The following PPP4R4 variants were observed in gnomAD, a reference collection of about 807,000 sequenced individuals.
PPP4R4 encodes the protein protein phosphatase 4 regulatory subunit 4.
PPP4R4 carries 70 observed loss-of-function variants against 121.8 expected under a neutral mutation model. The ratio of observed to expected loss-of-function variants is 0.57; its 90% CI spans 0.47 to 0.70. PPP4R4 has a LOEUF of 0.70. Ranked by LOEUF, PPP4R4 falls within the 30% of genes least tolerant of loss-of-function variation. PPP4R4 has a pLI of 0.00. For missense variants in PPP4R4, 875 were observed against 1,033.6 expected (o/e 0.85, Z 2.10); for synonymous variants, 348 against 355.7 (o/e 0.98, Z 0.24).
At chr14:94,244,601 C>T (rs931583251) in intron 11 of PPP4R4, 34 bp from the exon 12 acceptor site, 2 of 1,432,942 alleles carry the variant, frequency 1.4e-6, no homozygotes, top group African/African-American at 2.9e-5. Flanking sequence ...GTCTAGTACT[C>T]TCAAATCTGA....
At chr14:94,242,638 G>A (rs1010870378) in intron 11 of PPP4R4, among the ~76,000 whole-genome samples, 6 of 151,996 alleles carry the variant, frequency 3.9e-5, no homozygotes, top group South Asian at 2.1e-4. Context: ...CATTCATTCA[G>A]CATATCTATA....
chr14:94,233,301 A>G (rs968450761), intron 5 of PPP4R4, among the ~76,000 whole-genome samples: 1 of 152,254 alleles, frequency 6.6e-6, no homozygotes, highest in Non-Finnish European at 1.5e-5. Context: ...AAATTAATCT[A>G]TATGGAATAA....
At chr14:94,200,802 TG>T (rs371802539) in intron 2 of PPP4R4, among the ~76,000 whole-genome samples, 64,011 of 145,328 alleles carry the variant, frequency 0.44, 16,471 homozygotes, top group Non-Finnish European at 0.6. Context: ...ACTTATCTTT[TG>T]TATTTTTTTT....
rs572946328 is a variant in PPP4R4, at chr14:94,199,657, G to A, written c.192-8807G>A. Among the ~76,000 whole-genome samples the A allele has an allele frequency of 7.2e-4, 110 of 152,306 alleles. 1 individual carries two copies. Among genetic ancestry groups the A allele is most frequent in the African/African-American group, 2.5e-3 (104 of 41,576 alleles). The stretch of plus-strand genomic sequence containing the variant: ...ATGGGGGAGCCAGAAGAGAGACAGA[G>A]TGGAAAGGTAGTTTTCCCCTGGAGT... On this transcript the variant is annotated intron_variant, in intron 2 of 24. Transcript: ENST00000304338.
chr14:94,274,313 T>C (rs1894515977), intron 23 of PPP4R4, among the ~76,000 whole-genome samples: 1 of 152,070 alleles, frequency 6.6e-6, no homozygotes, highest in Non-Finnish European at 1.5e-5. Flanking sequence ...TTAAAGCGTC[T>C]GGGCTTTGAA....
intron 17 of PPP4R4, among the ~76,000 whole-genome samples, chr14:94,257,067 A>T (rs948063708): frequency 2.0e-5 from 3 of 152,118 alleles, no homozygotes; most frequent in African/African-American, 7.2e-5. Context: ...ACTTGAGATC[A>T]TATTAGTAAG....
Position 94,176,126 on chromosome 14 carries a change from A to G in PPP4R4, c.190A>G (p.Ser64Gly), listed in dbSNP as rs1888669574. Residue 64 changes from serine (S) to glycine (G), a missense_variant and splice_region_variant, in exon 2 of 25, where the codon AGT (serine) becomes GGT (glycine). Ser to Gly is a moderately conservative substitution (Grantham distance 56, BLOSUM62 0). Transcript: ENST00000304338. ...SDIERAVYLL[S>G]AGQDVQGTSV... is the part of the protein sequence containing the mutation. ...TATTGAAAGGGCTGTTTATCTGCTCAGGTATTTCCTAGTCTTTCTGTGAAA... is the reference window on the plus strand; with the variant it reads ...TATTGAAAGGGCTGTTTATCTGCTCGGGTATTTCCTAGTCTTTCTGTGAAA... 6.2e-7 allele frequency: 1 copy of G among 1,604,230 alleles called. No homozygotes were observed. The highest frequency in any genetic ancestry group is 1.3e-5 in the African/African-American group (1 of 74,744).
At chr14:94,242,489 T>G (rs1892686720) in intron 11 of PPP4R4, 81 bp downstream of exon 11, 1 of 1,370,758 alleles carries the variant, frequency 7.3e-7, no homozygotes, top group East Asian at 2.3e-5. Flanking sequence ...GCTTATAGAT[T>G]ATAAGATATA....
chr14:94,216,576 G>A (rs1891034134), intron 3 of PPP4R4, among the ~76,000 whole-genome samples: 1 of 152,218 alleles, frequency 6.6e-6, no homozygotes. Flanking sequence ...GGACAAGGCA[G>A]GAGATTGGAG....
rs2139544038 is a variant in PPP4R4 at position 94,234,537 on chromosome 14, A to G, written c.624-25A>G. On this transcript the variant is annotated intron_variant, in intron 6 of 24. Coordinates refer to ENST00000304338, the MANE Select transcript of PPP4R4 (RefSeq NM_058237.2). ...TATTCTGAAACACTCATTCATTTGC[A>G]TGTTTCTTTTCTCCCCACCTTCAGC... 2.2e-6 allele frequency: 3 copies of G among 1,366,562 alleles called. No homozygotes were observed. The Middle Eastern group carries it at 5.4e-4, about 245-fold the overall frequency. The allele number at this position is 1,366,562 out of a possible 1,614,324, so 84.7% of individuals were successfully genotyped here. A position where few individuals can be genotyped will look rare whatever the true frequency, so the allele number is the denominator to read the frequency against.
At chr14:94,273,731 C>A (rs557200571) in intron 23 of PPP4R4, among the ~76,000 whole-genome samples, 5 of 151,958 alleles carry the variant, frequency 3.3e-5, no homozygotes, top group South Asian at 2.1e-4. Context: ...TCTGTACCTT[C>A]CACTCAATTG....
intron 23 of PPP4R4, among the ~76,000 whole-genome samples, chr14:94,270,101 T>G (rs1894249793): frequency 6.6e-6 from 1 of 152,144 alleles, no homozygotes; most frequent in Non-Finnish European, 1.5e-5. Context: ...TCAAAACTGT[T>G]CTGAAAAAGA....
intron 23 of PPP4R4, among the ~76,000 whole-genome samples, chr14:94,271,042 C>A (rs143073184): frequency 1.3e-5 from 2 of 152,130 alleles, no homozygotes; most frequent in African/African-American, 4.8e-5. Context: ...AATAATCTTC[C>A]AAAACAGAAA....
chr14:94,189,509 C>T (rs1415614463), intron 2 of PPP4R4, among the ~76,000 whole-genome samples: 5 of 152,174 alleles, frequency 3.3e-5, no homozygotes, highest in African/African-American at 1.2e-4. Context: ...ACAGGAGCCA[C>T]TGTATATTAT....
chr14:94,269,506 T>A (rs1224060841), intron 23 of PPP4R4, among the ~76,000 whole-genome samples: 3 of 151,590 alleles, frequency 2.0e-5, no homozygotes. Flanking sequence ...AAACACTGTC[T>A]CTACTAAAAA....
In PPP4R4 at chr14:94,256,500, C is replaced by G; in HGVS notation, c.1906C>G (p.Leu636Val). The G allele has an allele frequency of 1.2e-6, 2 of 1,603,048 alleles. No individual in the cohort carries two copies. The highest frequency in any genetic ancestry group is 1.7e-6 in the Non-Finnish European group (2 of 1,171,070). ...CYLLPKVKSTLKIPADKHLLQ... is the reference protein window; with the variant it reads ...CYLLPKVKSTVKIPADKHLLQ... ...CCTGTTGCCCAAAGTGAAATCTACT[C>G]TGAAGATTCCTGCTGATAAGCATCT... The change falls in exon 17 of 25, where the codon CTG becomes GTG. Residue 636 changes from leucine (L) to valine (V), a missense_variant. Coordinates refer to ENST00000304338, the MANE Select transcript of PPP4R4 (RefSeq NM_058237.2).
chr14:94,206,448 A>G (rs1393050382), intron 2 of PPP4R4, among the ~76,000 whole-genome samples: 2 of 152,014 alleles, frequency 1.3e-5, no homozygotes, highest in African/African-American at 2.4e-5. Context: ...TATTTAGACC[A>G]CTTATATTTA....
chr14:94,226,447 A>G (rs1891705924), intron 3 of PPP4R4, among the ~76,000 whole-genome samples: 1 of 151,930 alleles, frequency 6.6e-6, no homozygotes. Flanking sequence ...ATTTTCAGTG[A>G]TCTCATCTAG....
chr14:94,225,049 G>A (rs66793780), intron 3 of PPP4R4, among the ~76,000 whole-genome samples: 18,995 of 151,688 alleles, frequency 0.13, 1,307 homozygotes, highest in Admixed American at 0.21. Flanking sequence ...TGGTAGAGGG[G>A]TATGTGTGCA....
Sources: gnomAD v4.1 joint callset for allele counts (sites outside exome capture counted in the v4.1 genomes callset) on GRCh38, gnomAD v4.1.1 for gene constraint, MANE v1.5 for transcripts, NCBI Gene and HGNC (gene_info 2026-07-23, HGNC 2026-07-21) for gene names.